The following MACROD2 variants were observed in gnomAD, a reference collection of about 807,000 sequenced individuals.
The protein encoded by MACROD2 is mono-ADP ribosylhydrolase 2.
A neutral mutation model predicts 70.4 loss-of-function variants in MACROD2; 36 were observed. The observed-to-expected ratio is 0.51, with a 90% CI of 0.39 to 0.68. The LOEUF (loss-of-function observed/expected upper bound fraction) is 0.68, where lower values mean the gene tolerates loss of function less well. Among genes scored for constraint, MACROD2 ranks in the 30% least tolerant of loss-of-function variants. MACROD2 has a pLI of 0.00. For missense variants in MACROD2, 496 were observed against 538.4 expected (o/e 0.92, Z 0.78); for synonymous variants, 172 against 178.8 (o/e 0.96, Z 0.30).
intron 8 of MACROD2, among the ~76,000 whole-genome samples, chr20:15,624,110 C>T (rs1287047318): frequency 2.0e-5 from 3 of 152,104 alleles, no homozygotes; most frequent in African/African-American, 7.2e-5. Flanking sequence ...CTCGAGAGCC[C>T]CTGGCAAACC....
At chr20:15,551,724 C>T (rs554407911) in intron 8 of MACROD2, among the ~76,000 whole-genome samples, 14 of 152,010 alleles carry the variant, frequency 9.2e-5, no homozygotes, top group Middle Eastern at 3.4e-3. Context: ...AAAACTTAGC[C>T]GGATGTGATG....
rs1218437392 is a variant in MACROD2, at chr20:15,021,227, CGTATACACACACCTGTGTGTAT to C, written c.419-208692_419-208671del. Among the ~76,000 whole-genome samples, 24 of 9,598 alleles carry C rather than the reference CGTATACACACACCTGTGTGTAT, an allele frequency of 2.5e-3. 1 individual carries two copies. The highest frequency in any genetic ancestry group is 6.6e-3 in the South Asian group (2 of 304). The allele number at this position is 9,598 out of a possible 152,430, so 6.3% of individuals were successfully genotyped here. On this transcript the variant is annotated intron_variant, in intron 5 of 17. Transcript: ENST00000684519. ...GTGTATGTATACACATACAGGTGTG[CGTATACACACACCTGTGTGTAT>C]GTATACACACACCTGTGTGTGTGTA...
At chr20:15,126,333 C>T (rs990830678) in intron 5 of MACROD2, among the ~76,000 whole-genome samples, 1 of 151,868 alleles carries the variant, frequency 6.6e-6, no homozygotes, top group Non-Finnish European at 1.5e-5. Flanking sequence ...TCCAATTTGC[C>T]CGCATGGTTG....
At chr20:14,244,482 G>A (rs1274529809) in intron 3 of MACROD2, among the ~76,000 whole-genome samples, 1 of 152,142 alleles carries the variant, frequency 6.6e-6, no homozygotes, top group East Asian at 1.9e-4. Flanking sequence ...CTAGAAGGAG[G>A]TGTGACATTG....
chr20:14,215,405 G>A (rs2081612545), intron 3 of MACROD2, among the ~76,000 whole-genome samples: 1 of 147,910 alleles, frequency 6.8e-6, no homozygotes, highest in Non-Finnish European at 1.5e-5. Context: ...GCTACTTGTT[G>A]ATTGATGGGC....
intron 4 of MACROD2, among the ~76,000 whole-genome samples, chr20:14,593,007 A>C (rs1438442642): frequency 6.6e-6 from 1 of 152,154 alleles, no homozygotes; most frequent in East Asian, 1.9e-4. Flanking sequence ...TTAGGTCTGC[A>C]TTTGATTTTA....
chr20:15,924,349 CCAGA>C (rs2065456950), intron 10 of MACROD2, among the ~76,000 whole-genome samples: 2 of 152,106 alleles, frequency 1.3e-5, no homozygotes, highest in Admixed American at 1.3e-4. Context: ...GTGAGTTGCC[CCAGA>C]CAGACACTTG....
intron 5 of MACROD2, among the ~76,000 whole-genome samples, chr20:15,052,844 A>C (rs2075453588): frequency 6.6e-6 from 1 of 152,252 alleles, no homozygotes; most frequent in African/African-American, 2.4e-5. Flanking sequence ...TGTGCCAAAT[A>C]GCCAAGTTGT....
At chr20:14,344,448 G>A (rs1001207270) in intron 3 of MACROD2, among the ~76,000 whole-genome samples, 3 of 152,140 alleles carry the variant, frequency 2.0e-5, no homozygotes, top group Non-Finnish European at 2.9e-5. Flanking sequence ...TGATAAATAT[G>A]TTATATATTA....
intron 5 of MACROD2, among the ~76,000 whole-genome samples, chr20:15,217,743 C>A (rs1257113328): frequency 6.6e-6 from 1 of 152,090 alleles, no homozygotes; most frequent in Admixed American, 6.6e-5. Flanking sequence ...TATCAGGGAG[C>A]CAGTCACCAG....
At chr20:15,585,634 A>G (rs2048589031) in intron 8 of MACROD2, among the ~76,000 whole-genome samples, 1 of 152,146 alleles carries the variant, frequency 6.6e-6, no homozygotes, top group South Asian at 2.1e-4. Flanking sequence ...CAGGGATGGG[A>G]TCATTCTGTG....
chr20:15,857,125 T>C (rs1024236677), intron 8 of MACROD2, among the ~76,000 whole-genome samples: 3 of 152,188 alleles, frequency 2.0e-5, no homozygotes, highest in African/African-American at 7.2e-5. Flanking sequence ...TTAGATCTTA[T>C]ACAATTGTGG....
At chr20:14,009,771 A>G (rs760485275) in intron 2 of MACROD2, among the ~76,000 whole-genome samples, 16 of 152,244 alleles carry the variant, frequency 1.1e-4, no homozygotes, top group Non-Finnish European at 2.2e-4. Flanking sequence ...CATATACACC[A>G]TGCAATACTA....
chr20:15,147,387 A>T (rs1451365625), intron 5 of MACROD2, among the ~76,000 whole-genome samples: 1 of 151,916 alleles, frequency 6.6e-6, no homozygotes. Context: ...TTATTTTTAC[A>T]TAAAGGAAAG....
In MACROD2 at chr20:15,182,170, C is replaced by T. The variant is rs191608605; in HGVS notation, c.419-47770C>T. Among the ~76,000 whole-genome samples, 67 of 152,228 alleles carry T rather than the reference C, an allele frequency of 4.4e-4. 1 individual carries two copies. The Middle Eastern group carries it at 0.01, about 23-fold the overall frequency. ...AATTTTTATTGCTTCTGCTGTTTTG[C>T]TTCAGATATCTTTTCATATTCCTAA... On this transcript the variant is annotated intron_variant, in intron 5 of 17. Transcript: ENST00000684519.
intron 4 of MACROD2, among the ~76,000 whole-genome samples, chr20:14,525,362 T>C (rs965090265): frequency 6.6e-6 from 1 of 152,252 alleles, no homozygotes. Context: ...ATGCTAATGA[T>C]AGTGATGATC....
At chr20:14,369,893 AT>A (rs1182952167) in intron 3 of MACROD2, among the ~76,000 whole-genome samples, 1 of 152,230 alleles carries the variant, frequency 6.6e-6, no homozygotes, top group Non-Finnish European at 1.5e-5. Context: ...CAAAAATGCA[AT>A]TTCAAAAATA....
chr20:15,071,117 T>C (rs1387286423), intron 5 of MACROD2, among the ~76,000 whole-genome samples: 2 of 152,140 alleles, frequency 1.3e-5, no homozygotes, highest in African/African-American at 4.8e-5. Flanking sequence ...CAATATACAA[T>C]GGAATTTAAA....
chr20:14,608,301 A>G (rs540469567), intron 4 of MACROD2, among the ~76,000 whole-genome samples: 4 of 152,288 alleles, frequency 2.6e-5, no homozygotes, highest in African/African-American at 9.6e-5. Context: ...ACATTTAGTA[A>G]TTGTGTATTC....
Sources: gnomAD v4.1 joint callset for allele counts (sites outside exome capture counted in the v4.1 genomes callset) on GRCh38, gnomAD v4.1.1 for gene constraint, MANE v1.5 for transcripts, NCBI Gene and HGNC (gene_info 2026-07-23, HGNC 2026-07-21) for gene names.